FGL1: variants seen among roughly 807,000 people sequenced by gnomAD.
FGL1 encodes fibrinogen-like protein 1.
A neutral mutation model predicts 43.7 loss-of-function variants in FGL1; 59 were observed. The observed-to-expected ratio is 1.35, with a 90% CI of 1.10 to 1.68. The LOEUF is 1.68. FGL1 is among the 40% of genes most tolerant of loss of function. The pLI is 0.00. For synonymous variants in FGL1, 192 were observed against 126.5 expected, an observed-to-expected ratio of 1.52 and a Z score of -3.48; for missense variants, 596 against 373.0, an observed-to-expected ratio of 1.60 and a Z score of -4.92.
chr8:17,895,259 T>C (rs1053047776), intron 1 of FGL1, 188 bp downstream of exon 1: 1 of 1,007,124 alleles, frequency 9.9e-7, no homozygotes, highest in African/African-American at 1.7e-5. Flanking sequence ...TATATCTGTA[T>C]ATCTGTAACA....
intron 3 of FGL1, among the ~76,000 whole-genome samples, chr8:17,880,167 T>C (rs917481720): frequency 7.9e-5 from 12 of 152,150 alleles, no homozygotes; most frequent in African/African-American, 2.9e-4. Flanking sequence ...TGCAGACCAC[T>C]GGCTCTGGCC....
At chr8:17,887,587 C>T (rs943721270) in intron 1 of FGL1, among the ~76,000 whole-genome samples, 9 of 152,184 alleles carry the variant, frequency 5.9e-5, no homozygotes, top group African/African-American at 2.2e-4. Flanking sequence ...TGTTGGCTCA[C>T]ACCTGTAATC....
intron 1 of FGL1, among the ~76,000 whole-genome samples, chr8:17,892,782 T>C (rs1421095073): frequency 6.6e-6 from 1 of 152,244 alleles, no homozygotes; most frequent in African/African-American, 2.4e-5. Context: ...AATCATGAAA[T>C]GTCTGTATCT....
chr8:17,871,684 A>AGAGG (rs2053363550), intron 5 of FGL1, among the ~76,000 whole-genome samples: 1 of 152,174 alleles, frequency 6.6e-6, no homozygotes, highest in African/African-American at 2.4e-5. Context: ...GAGGTAATTC[A>AGAGG]TTAATTCATT....
chr8:17,876,601 T>G (rs143152730), intron 3 of FGL1, among the ~76,000 whole-genome samples: 131 of 152,342 alleles, frequency 8.6e-4, no homozygotes, highest in African/African-American at 2.9e-3. Context: ...AGTTCAATGT[T>G]GTTATAAAGT....
chr8:17,894,020 G>T (rs2129442487), intron 1 of FGL1, among the ~76,000 whole-genome samples: 1 of 146,364 alleles, frequency 6.8e-6, no homozygotes, highest in African/African-American at 2.7e-5. Context: ...TAATTTTAAT[G>T]CTATAAATTC....
intron 1 of FGL1, among the ~76,000 whole-genome samples, chr8:17,890,078 A>G (rs17125803): frequency 0.013 from 2,012 of 152,290 alleles, 53 homozygotes; most frequent in African/African-American, 0.047. Flanking sequence ...AAATCTCACG[A>G]TGTCTTTAGA....
At chr8:17,868,509 C>T (rs1484039107) in intron 7 of FGL1, 39 bp downstream of exon 7, 2 of 1,499,616 alleles carry the variant, frequency 1.3e-6, no homozygotes, top group South Asian at 1.3e-5. Flanking sequence ...AGTGAGATAT[C>T]ATCAACTCCA....
intron 3 of FGL1, among the ~76,000 whole-genome samples, chr8:17,876,348 C>T (rs1211190306): frequency 6.6e-6 from 1 of 151,896 alleles, no homozygotes; most frequent in Non-Finnish European, 1.5e-5. Flanking sequence ...AGGCCATAGA[C>T]ATCAGAAGAG....
At chr8:17,879,328 A>C (rs1366768565) in intron 3 of FGL1, among the ~76,000 whole-genome samples, 1 of 151,918 alleles carries the variant, frequency 6.6e-6, no homozygotes, top group Non-Finnish European at 1.5e-5. Flanking sequence ...GTGACCCCTT[A>C]CTTCCCAAAG....
Position 17,882,158 on chromosome 8 carries a change from C to T in FGL1, c.85G>A (p.Glu29Lys). Residue 29 changes from glutamate to lysine, a missense_variant, in exon 3 of 8, where the codon GAG becomes AAG. Glu to Lys is a moderately conservative substitution (Grantham distance 56). Transcript: ENST00000427924. ...ACCTGGGCTCTGAGCCGCATCTGCT[C>T]CTGGGCACAGTCCTCGAGCGCCTGC... ...EISALEDCAQ[E>K]QMRLRAQVRL... 6.2e-7 allele frequency: 1 copy of T among 1,613,816 alleles called. No homozygotes were observed. Among genetic ancestry groups the T allele is most frequent in the East Asian group, 2.2e-5 (1 of 44,856 alleles).
chr8:17,891,886 T>C (rs774276071), intron 1 of FGL1: 10 of 602,682 alleles, frequency 1.7e-5, no homozygotes, highest in Non-Finnish European at 2.1e-5. Context: ...AAATATGTCA[T>C]GTCAATATGT....
chr8:17,875,019 C>T (rs2053423867), intron 3 of FGL1, among the ~76,000 whole-genome samples: 1 of 152,088 alleles, frequency 6.6e-6, no homozygotes, highest in Non-Finnish European at 1.5e-5. Flanking sequence ...GTGGAACTTA[C>T]AGTTTTATCA....
chr8:17,895,426 C>T (rs887254919), intron 1 of FGL1, 21 bp downstream of exon 1: 5 of 1,281,732 alleles, frequency 3.9e-6, no homozygotes, highest in African/African-American at 3.0e-5. Context: ...GTCAAAAATG[C>T]AGAGACATTA....
intron 1 of FGL1, among the ~76,000 whole-genome samples, chr8:17,888,975 T>C (rs962081256): frequency 6.6e-6 from 1 of 152,166 alleles, no homozygotes; most frequent in Non-Finnish European, 1.5e-5. Context: ...AAGAGAATAA[T>C]ATTTTAATAA....
At chr8:17,871,281 C>T (rs796616673) in intron 5 of FGL1, among the ~76,000 whole-genome samples, 4 of 151,994 alleles carry the variant, frequency 2.6e-5, no homozygotes, top group African/African-American at 9.6e-5. Context: ...TGACTTGAAG[C>T]CAGGAGTTTG....
chr8:17,877,872 GA>G (rs1347390009), intron 3 of FGL1, among the ~76,000 whole-genome samples: 1 of 152,132 alleles, frequency 6.6e-6, no homozygotes, highest in East Asian at 1.9e-4. Context: ...TTTCTTCCTT[GA>G]AAACAAGGCT....
At position 17,874,081 on chromosome 8, in the gene FGL1, A is replaced by G. The variant is rs1205932253; in HGVS notation, c.440T>C (p.Phe147Ser). The G allele has an allele frequency of 2.5e-6, 4 of 1,611,692 alleles. No individual in the cohort carries two copies. Among genetic ancestry groups the G allele is most frequent in the Non-Finnish European group, 3.4e-6 (4 of 1,179,428 alleles). ...WKDYENGFGN[F>S]VQKHGEYWLG... ...CCAATATTCACCATGTTTTTGGACAAAATTTCCAAAGCCATTTTCATAGTC... is the reference window on the plus strand; with the variant it reads ...CCAATATTCACCATGTTTTTGGACAGAATTTCCAAAGCCATTTTCATAGTC... Residue 147 changes from phenylalanine (F) to serine (S), a missense_variant, in exon 5 of 8, where the codon TTT (phenylalanine) becomes TCT (serine). Physicochemically the swap from Phe to Ser is radical, Grantham distance 155. Transcript: ENST00000427924.
chr8:17,877,534 A>C (rs1294445972), intron 3 of FGL1, among the ~76,000 whole-genome samples: 3 of 152,146 alleles, frequency 2.0e-5, no homozygotes, highest in African/African-American at 7.2e-5. Context: ...AACAGAGGTC[A>C]GCTGCCACTC....
Sources: allele counts gnomAD v4.1 joint callset (sites outside exome capture counted in the v4.1 genomes callset), GRCh38; gene constraint gnomAD v4.1.1; transcripts MANE v1.5; gene names NCBI Gene and HGNC (gene_info 2026-07-23, HGNC 2026-07-21).